Variants in MYOF observed in about 807,000 individuals in gnomAD.
MYOF encodes the protein myoferlin.
In MYOF, 244 loss-of-function variants were observed where a neutral mutation model predicts 284.2. The ratio of observed to expected loss-of-function variants is 0.86; its 90% CI spans 0.77 to 0.95. The LOEUF (loss-of-function observed/expected upper bound fraction) is 0.95. MYOF is among the 40% of genes least tolerant of loss of function. The pLI is 0.00. For synonymous variants in MYOF, 904 were observed against 919.7 expected (o/e 0.98, Z 0.31); for missense variants, 2,496 against 2,560.6 (o/e 0.97, Z 0.54).
chr10:93,405,794 ATTTT>A lies in MYOF; in HGVS notation c.730-1579_730-1576del, dbSNP rs3866906. Among the ~76,000 whole-genome samples, 26 of 113,768 alleles carry A rather than the reference ATTTT, an allele frequency of 2.3e-4. 1 individual carries two copies. The highest frequency in any genetic ancestry group is 6.4e-4 in the South Asian group (2 of 3,132). The allele number at this position is 113,768 out of a possible 152,430, so 74.6% of individuals were successfully genotyped here. On this transcript the variant is annotated intron_variant, in intron 7 of 53. Coordinates refer to ENST00000359263, the MANE Select transcript of MYOF (RefSeq NM_013451.4). ...GTTAAAAAGATATATACAGGCTAGG[ATTTT>A]TTTTTTTTTTTTTTTTTTTGACGGA...
intron 25 of MYOF, among the ~76,000 whole-genome samples, chr10:93,367,375 T>C (rs1845375460): frequency 6.6e-6 from 1 of 152,138 alleles, no homozygotes; most frequent in Non-Finnish European, 1.5e-5. Flanking sequence ...GAGAAGATGA[T>C]TTGCATAAGC....
intron 29 of MYOF, among the ~76,000 whole-genome samples, chr10:93,358,370 C>T (rs1054694840): frequency 6.6e-6 from 1 of 152,144 alleles, no homozygotes; most frequent in Non-Finnish European, 1.5e-5. Context: ...ATTAGTTCCA[C>T]CATTGTGGAA....
chr10:93,434,820 C>T (rs1390776887), intron 3 of MYOF, among the ~76,000 whole-genome samples: 2 of 151,452 alleles, frequency 1.3e-5, no homozygotes, highest in African/African-American at 4.8e-5. Flanking sequence ...TATTTTTTTT[C>T]TCCTTACTTA....
chr10:93,350,107 C>G, intron 35 of MYOF, 138 bp from the exon 36 acceptor site: 6 of 882,544 alleles, frequency 6.8e-6, no homozygotes, highest in Non-Finnish European at 5.0e-6. Context: ...TGTAGGTCAT[C>G]CAAAGAAAGT....
chr10:93,378,483 A>G (rs1845944976), intron 21 of MYOF, among the ~76,000 whole-genome samples: 1 of 151,960 alleles, frequency 6.6e-6, no homozygotes. Flanking sequence ...ATAACATAAA[A>G]TGATATTTCA....
At chr10:93,428,494 C>G (rs1848695293) in intron 4 of MYOF, among the ~76,000 whole-genome samples, 3 of 151,640 alleles carry the variant, frequency 2.0e-5, no homozygotes, top group African/African-American at 4.8e-5. Flanking sequence ...GCGTGAGCCA[C>G]CTTGCCCAGC....
Position 93,408,923 on chromosome 10 carries a change from A to G in MYOF, c.601-8T>C, listed in dbSNP as rs2134123766. 1.2e-6 allele frequency: 2 copies of G among 1,614,104 alleles called. No individual in the cohort carries two copies. Among genetic ancestry groups the G allele is most frequent in the Non-Finnish European group, 1.7e-6 (2 of 1,180,012 alleles). ...AATCACTCGGACGCGGATCTGCAGC[A>G]CAGAAGGGGGATGGTTACCCAACCT... On this transcript the variant is annotated splice_region_variant and splice_polypyrimidine_tract_variant and intron_variant, in intron 6 of 53. Transcript: ENST00000359263.
At chr10:93,374,454 T>C (rs1420616000) in intron 23 of MYOF, among the ~76,000 whole-genome samples, 1 of 152,206 alleles carries the variant, frequency 6.6e-6, no homozygotes, top group African/African-American at 2.4e-5. Flanking sequence ...AAAGCTGACA[T>C]TTTAATCCTG....
At chr10:93,339,952 G>A (rs1464852664) in intron 39 of MYOF, among the ~76,000 whole-genome samples, 1 of 152,104 alleles carries the variant, frequency 6.6e-6, no homozygotes, top group Non-Finnish European at 1.5e-5. Context: ...GGTGGTGGGC[G>A]CCTGTAGTTC....
At position 93,463,471 on chromosome 10, in the gene MYOF, C is replaced by G. The variant is rs1392405960; in HGVS notation, c.89-6534G>C. On this transcript the variant is annotated intron_variant, in intron 1 of 53. Coordinates refer to ENST00000359263, the MANE Select transcript of MYOF (RefSeq NM_013451.4). ...ATCTAGTGCAGTGGTGCAATCTTGG[C>G]TCATTGCAACATCCGCCTCCTGTGT... 3.0e-5 allele frequency among the ~76,000 whole-genome samples: 4 copies of G among 131,842 alleles called. No individual in the cohort carries two copies. In the East Asian group the frequency reaches 9.6e-4, roughly 32 times the overall value. 86.5% of individuals were successfully genotyped at this position (131,842 alleles called of 152,430 possible). A position where few individuals can be genotyped will look rare whatever the true frequency, so the allele number is the denominator to read the frequency against.
At position 93,409,590 on chromosome 10, in the gene MYOF, TA is replaced by T. The variant is rs1847803499; in HGVS notation, c.582del (p.Asn194LysfsTer12). Reference sequence around the variant, plus strand: ...GTTGCTACCTGGAAGTCCTGTGGCTTATTTGACAGCATCCGCCGGCTGTTCT... The same window carrying T: ...GTTGCTACCTGGAAGTCCTGTGGCTTTTTGACAGCATCCGCCGGCTGTTCT... ...KVKNSRRMLS[N>X]KPQDFQIRVR... On this transcript the variant is annotated frameshift_variant, in exon 6 of 54. Coordinates refer to ENST00000359263, the MANE Select transcript of MYOF (RefSeq NM_013451.4). LOFTEE classifies it high-confidence loss of function. The T allele has an allele frequency of 3.7e-6, 6 of 1,613,932 alleles. No individual in the cohort carries two copies. The highest frequency in any genetic ancestry group is 1.1e-5 in the South Asian group (1 of 91,044).
At chr10:93,352,901 A>C (rs1241443084) in intron 32 of MYOF, among the ~76,000 whole-genome samples, 2 of 152,226 alleles carry the variant, frequency 1.3e-5, no homozygotes, top group Non-Finnish European at 2.9e-5. Flanking sequence ...ATAACCTTGA[A>C]TCTGCTCAAA....
intron 3 of MYOF, among the ~76,000 whole-genome samples, chr10:93,436,487 A>AT (rs5787059): frequency 0.56 from 85,266 of 152,018 alleles, 27,626 homozygotes; most frequent in Non-Finnish European, 0.73. Context: ...TTTATTTATT[A>AT]TTTTTTCTGA....
At chr10:93,336,772 G>A (rs960508022) in intron 40 of MYOF, among the ~76,000 whole-genome samples, 1 of 151,602 alleles carries the variant, frequency 6.6e-6, no homozygotes, top group Non-Finnish European at 1.5e-5. Flanking sequence ...GAGAAGGAAG[G>A]AAGAAGGCAG....
intron 24 of MYOF, among the ~76,000 whole-genome samples, chr10:93,370,657 C>T (rs1325276452): frequency 6.6e-6 from 1 of 152,024 alleles, no homozygotes; most frequent in East Asian, 1.9e-4. Flanking sequence ...GAATACATGT[C>T]TTGTTAATAT....
intron 2 of MYOF, among the ~76,000 whole-genome samples, chr10:93,456,676 G>A (rs549921342): frequency 1.3e-5 from 2 of 152,258 alleles, no homozygotes; most frequent in South Asian, 2.1e-4. Context: ...CCCTTGCCGC[G>A]CCACTGCTGT....
At position 93,351,876 on chromosome 10, in the gene MYOF, G is replaced by A. The variant is rs570937357; in HGVS notation, c.3482-30C>T. ...AACAGAAAAAGAGAATAACAACGGG[G>A]CCACGGCTAAAATCTAACTCCCCAG... On this transcript the variant is annotated intron_variant, in intron 32 of 53. Transcript: ENST00000359263. 6.2e-5 allele frequency: 96 copies of A among 1,558,462 alleles called. 1 individual carries two copies. The South Asian group carries it at 8.9e-4, about 14-fold the overall frequency.
rs765163991 is a variant in MYOF, at chr10:93,319,951, C to T, written c.5519G>A (p.Gly1840Asp). ...AAATCGCCAGTTAAAATTCCCTTCACCATCCAAAGATCTGTAATGGACATC... is the reference window on the plus strand; with the variant it reads ...AAATCGCCAGTTAAAATTCCCTTCATCATCCAAAGATCTGTAATGGACATC... The part of the protein sequence containing the change: ...KTDVHYRSLD[G>D]EGNFNWRFVF... Residue 1840 changes from glycine (G) to aspartate (D), a missense_variant, in exon 49 of 54, where the codon GGT (glycine) becomes GAT (aspartate). Around this residue, in one of 3 missense-constraint regions of MYOF, gnomAD observed 2,436 missense variants for 2,480.7 expected, o/e 0.98. Coordinates refer to ENST00000359263, the MANE Select transcript of MYOF (RefSeq NM_013451.4). 4.3e-6 allele frequency: 7 copies of T among 1,614,040 alleles called. No individual in the cohort carries two copies. The highest frequency in any genetic ancestry group is 5.9e-6 in the Non-Finnish European group (7 of 1,180,010).
chr10:93,363,832 G>A, intron 27 of MYOF, 129 bp downstream of exon 27: 1 of 673,584 alleles, frequency 1.5e-6, no homozygotes. Context: ...AGCTATAAGT[G>A]GAAGACTCTT....
Sources: allele counts gnomAD v4.1 joint callset (sites outside exome capture counted in the v4.1 genomes callset), GRCh38; gene constraint gnomAD v4.1.1; regional missense constraint gnomAD v4.1.1; transcripts MANE v1.5; gene names NCBI Gene and HGNC (gene_info 2026-07-23, HGNC 2026-07-21).